Variants in SH3BGRL2 observed in about 807,000 individuals in gnomAD.
The protein encoded by SH3BGRL2 is SH3 domain binding glutamate rich protein like 2, also known as SH3 domain-binding glutamic acid-rich-like protein 2.
In SH3BGRL2, 21 loss-of-function variants were observed where a neutral mutation model predicts 14.8. The observed-to-expected ratio is 1.42, with a 90% CI of 1.01 to 2.05. The LOEUF is 2.05. Among genes scored for constraint, SH3BGRL2 ranks in the 30% most tolerant of loss-of-function variants. SH3BGRL2 has a pLI of 0.00. For missense variants in SH3BGRL2, 147 were observed against 130.8 expected, an observed-to-expected ratio of 1.12 and a Z score of -0.61; for synonymous variants, 50 against 47.8, an observed-to-expected ratio of 1.05 and a Z score of -0.19.
At chr6:79,658,567 A>C (rs1411213700) in intron 1 of SH3BGRL2, among the ~76,000 whole-genome samples, 1 of 152,170 alleles carries the variant, frequency 6.6e-6, no homozygotes, top group Non-Finnish European at 1.5e-5. Context: ...GTTGGTTCCA[A>C]GTCTTTCCTA....
Position 79,699,694 on chromosome 6 carries a change from A to C in SH3BGRL2, c.*185A>C. On this transcript the variant is annotated 3_prime_UTR_variant, in exon 4 of 4. Transcript: ENST00000369838. ...GAATTGCATGATTGCTTTAAACCAA[A>C]TCAGGTGGTGGATTTTTTTTTTCTT... 1 of 787,438 alleles carries C rather than the reference A, an allele frequency of 1.3e-6. No individual in the cohort carries two copies. The highest frequency in any genetic ancestry group is 1.8e-5 in the African/African-American group (1 of 56,184). The allele number at this position is 787,438 out of a possible 1,614,324, so 48.8% of individuals were successfully genotyped here.
chr6:79,679,385 AT>A (rs756434186), intron 2 of SH3BGRL2, among the ~76,000 whole-genome samples: 1,863 of 132,102 alleles, frequency 0.014, 26 homozygotes, highest in African/African-American at 0.029. Flanking sequence ...TTTTTTTTTC[AT>A]TTTTTTTTTT....
At chr6:79,609,012 C>T in the SH3BGRL2 span, among the ~76,000 whole-genome samples, 1 of 152,186 alleles carries the variant, frequency 6.6e-6, no homozygotes, top group Non-Finnish European at 1.5e-5. Flanking sequence ...GTGTAGCACT[C>T]TATGGTCTTA....
chr6:79,682,814 A>T (rs1342791512), intron 2 of SH3BGRL2, among the ~76,000 whole-genome samples: 1 of 152,264 alleles, frequency 6.6e-6, no homozygotes, highest in Non-Finnish European at 1.5e-5. Context: ...ATGTCCATCA[A>T]TGATAGACTG....
intron 1 of SH3BGRL2, among the ~76,000 whole-genome samples, chr6:79,639,561 G>T (rs1047186845): frequency 9.9e-5 from 15 of 152,130 alleles, no homozygotes; most frequent in Non-Finnish European, 1.5e-5. Context: ...CTGCACTCCA[G>T]CCTGGGTGAC....
In SH3BGRL2 at chr6:79,631,414, A is replaced by C. The variant is rs1554201312; in HGVS notation, c.-48A>C. ...CTGGGTTCAGCTCTGCGTCCACGCC[A>C]GCCCGGAGCCCGGGGGGCAAGGGGT... On this transcript the variant is annotated 5_prime_UTR_variant, in exon 1 of 4. Transcript: ENST00000369838. 1.3e-6 allele frequency: 2 copies of C among 1,488,150 alleles called. No individual in the cohort carries two copies. Among genetic ancestry groups the C allele is most frequent in the South Asian group, 2.7e-5 (2 of 74,998 alleles). The allele number at this position is 1,488,150 out of a possible 1,614,324, so 92.2% of individuals were successfully genotyped here.
the SH3BGRL2 span, among the ~76,000 whole-genome samples, chr6:79,547,818 T>C: frequency 6.6e-6 from 1 of 152,214 alleles, no homozygotes; most frequent in Non-Finnish European, 1.5e-5. Flanking sequence ...AATACCCTAC[T>C]AAGCTGAGAC....
chr6:79,616,119 A>G, the SH3BGRL2 span, among the ~76,000 whole-genome samples: 1 of 152,104 alleles, frequency 6.6e-6, no homozygotes, highest in Non-Finnish European at 1.5e-5. Flanking sequence ...CCCGGCCTAA[A>G]CCACTCCTGC....
At chr6:79,669,518 G>C (rs1370767707) in intron 1 of SH3BGRL2, among the ~76,000 whole-genome samples, 2 of 141,628 alleles carry the variant, frequency 1.4e-5, no homozygotes, top group Non-Finnish European at 3.0e-5. Context: ...GCAATGGCCT[G>C]ATCTCTGCTT....
intron 1 of SH3BGRL2, among the ~76,000 whole-genome samples, chr6:79,657,935 A>G (rs1159133033): frequency 3.3e-5 from 5 of 152,216 alleles, no homozygotes; most frequent in African/African-American, 1.2e-4. Flanking sequence ...TACAGTTCCC[A>G]GTTGGAAAAT....
chr6:79,682,395 C>T (rs945108514), intron 2 of SH3BGRL2, among the ~76,000 whole-genome samples: 5 of 152,068 alleles, frequency 3.3e-5, no homozygotes, highest in African/African-American at 1.2e-4. Context: ...CAAAACAGAT[C>T]CCAAATGCAC....
chr6:79,577,223 G>T, the SH3BGRL2 span, among the ~76,000 whole-genome samples: 1 of 152,138 alleles, frequency 6.6e-6, no homozygotes, highest in South Asian at 2.1e-4. Flanking sequence ...TTTTGTTTCA[G>T]TGATCTATAC....
chr6:79,649,316 A>G (rs1203623587), intron 1 of SH3BGRL2, among the ~76,000 whole-genome samples: 1 of 152,226 alleles, frequency 6.6e-6, no homozygotes, highest in Non-Finnish European at 1.5e-5. Context: ...AACAGATTAA[A>G]TCAGGTTTGG....
At chr6:79,625,538 A>C in the SH3BGRL2 span, among the ~76,000 whole-genome samples, 5 of 152,312 alleles carry the variant, frequency 3.3e-5, no homozygotes, top group East Asian at 9.6e-4. Context: ...TAAGTACTTT[A>C]ATTGAACATG....
At chr6:79,554,610 T>C in the SH3BGRL2 span, among the ~76,000 whole-genome samples, 7 of 152,292 alleles carry the variant, frequency 4.6e-5, no homozygotes, top group African/African-American at 1.4e-4. Flanking sequence ...TAAAATTCAA[T>C]AGCTTTCATA....
the SH3BGRL2 span, among the ~76,000 whole-genome samples, chr6:79,580,741 G>A: frequency 7.1e-3 from 1,074 of 152,136 alleles, 13 homozygotes; most frequent in African/African-American, 0.024. Flanking sequence ...AACTAAAGAA[G>A]CAAGAGCAAA....
intron 1 of SH3BGRL2, 123 bp downstream of exon 1, chr6:79,631,629 G>T: frequency 1.4e-6 from 1 of 718,064 alleles, no homozygotes; most frequent in Non-Finnish European, 1.9e-6. Context: ...GCCCGCGCCC[G>T]GCAGGTGATC....
chr6:79,636,759 G>A (rs959559821), intron 1 of SH3BGRL2, among the ~76,000 whole-genome samples: 1 of 152,130 alleles, frequency 6.6e-6, no homozygotes, highest in Non-Finnish European at 1.5e-5. Flanking sequence ...GCTTGTAGAT[G>A]TATCACCCTC....
chr6:79,605,798 T>A, the SH3BGRL2 span, among the ~76,000 whole-genome samples: 5 of 152,150 alleles, frequency 3.3e-5, no homozygotes, highest in African/African-American at 1.2e-4. Context: ...AAAGAGAAAT[T>A]ATCCCTGCTG....
Sources: gnomAD v4.1 joint callset for allele counts (sites outside exome capture counted in the v4.1 genomes callset) on GRCh38, gnomAD v4.1.1 for gene constraint, MANE v1.5 for transcripts, NCBI Gene and HGNC (gene_info 2026-07-23, HGNC 2026-07-21) for gene names.